BIN3: variants seen among roughly 807,000 people sequenced by gnomAD.
The protein encoded by BIN3 is bridging integrator 3.
BIN3 carries 41 observed loss-of-function variants against 38.2 expected under a neutral mutation model. The ratio of observed to expected loss-of-function variants is 1.07; its 90% CI spans 0.84 to 1.39. BIN3 has a LOEUF of 1.39. Among genes scored for constraint, BIN3 ranks in the 40% most tolerant of loss-of-function variants. BIN3 has a pLI of 0.00. For missense variants in BIN3, 361 were observed against 324.3 expected (o/e 1.11, Z -0.87); for synonymous variants, 145 against 122.6 (o/e 1.18, Z -1.21).
In BIN3 at chr8:22,621,496, C is replaced by T. The variant is rs779546029; in HGVS notation, c.688G>A (p.Asp230Asn). The part of the protein sequence containing the change: ...SHQLDQPGHS[D>N]EQRERENEAK... ...TCGTTCTCCCGCTCCCGCTGCTCAT[C>T]GGAGTGGCCTGGCTGGTCAAGCTGA... Residue 230 changes from aspartate to asparagine, a missense_variant, in exon 9 of 9, where the codon GAT becomes AAT. Transcript: ENST00000276416. 111 of 1,613,814 alleles carry T rather than the reference C, an allele frequency of 6.9e-5. No homozygotes were observed. In the Middle Eastern group the frequency reaches 2.1e-3, roughly 31 times the overall value.
At chr8:22,655,629 C>T (rs568893858) in intron 1 of BIN3, among the ~76,000 whole-genome samples, 1 of 152,302 alleles carries the variant, frequency 6.6e-6, no homozygotes, top group South Asian at 2.1e-4. Context: ...ATCTACATGT[C>T]CATCTTGATA....
chr8:22,639,063 G>A (rs1802457516), intron 2 of BIN3, among the ~76,000 whole-genome samples: 1 of 152,216 alleles, frequency 6.6e-6, no homozygotes, highest in Non-Finnish European at 1.5e-5. Flanking sequence ...ACTGCAGGTG[G>A]GAAATTTGCT....
chr8:22,647,749 T>A (rs1022051419), intron 1 of BIN3, among the ~76,000 whole-genome samples: 1 of 152,218 alleles, frequency 6.6e-6, no homozygotes, highest in Non-Finnish European at 1.5e-5. Flanking sequence ...CCTATCATAC[T>A]GTTCTGATTA....
intron 1 of BIN3, among the ~76,000 whole-genome samples, chr8:22,664,214 T>A (rs1000459824): frequency 2.0e-5 from 3 of 152,206 alleles, no homozygotes; most frequent in Non-Finnish European, 1.5e-5. Flanking sequence ...ATAATACATA[T>A]AACACCTCTG....
chr8:22,633,436 G>A (rs1354030023), intron 4 of BIN3, among the ~76,000 whole-genome samples: 5 of 152,216 alleles, frequency 3.3e-5, no homozygotes, highest in African/African-American at 9.7e-5. Context: ...CCAGGAGGCT[G>A]GTGATCTTTG....
intron 1 of BIN3, among the ~76,000 whole-genome samples, chr8:22,650,777 A>G (rs1585198323): frequency 6.6e-6 from 1 of 152,186 alleles, no homozygotes; most frequent in East Asian, 1.9e-4. Context: ...TACTTTAGCT[A>G]TTGACTTTTT....
chr8:22,666,142 C>T (rs1010451115), intron 1 of BIN3, among the ~76,000 whole-genome samples: 5 of 152,064 alleles, frequency 3.3e-5, no homozygotes, highest in Admixed American at 6.5e-5. Flanking sequence ...TTTTCCTCCT[C>T]GTTTAAGCCT....
intron 1 of BIN3, among the ~76,000 whole-genome samples, chr8:22,666,627 C>T (rs372225325): frequency 1.3e-5 from 2 of 152,028 alleles, no homozygotes; most frequent in Non-Finnish European, 2.9e-5. Flanking sequence ...AGGGGGTGGG[C>T]GGGTTGCCTG....
chr8:22,623,328 G>A (rs1801900444), intron 8 of BIN3, among the ~76,000 whole-genome samples: 1 of 152,204 alleles, frequency 6.6e-6, no homozygotes, highest in Non-Finnish European at 1.5e-5. Context: ...GGAGACGCTG[G>A]GGCCTGGCCC....
chr8:22,624,389 G>C (rs368269518), intron 6 of BIN3, 26 bp from the exon 7 acceptor site: 23 of 1,604,880 alleles, frequency 1.4e-5, no homozygotes, highest in Non-Finnish European at 1.4e-5. Flanking sequence ...GCTGGAGATG[G>C]GCCCGTTCTT....
chr8:22,651,744 G>A (rs1241514433), intron 1 of BIN3, among the ~76,000 whole-genome samples: 1 of 152,056 alleles, frequency 6.6e-6, no homozygotes, highest in East Asian at 1.9e-4. Flanking sequence ...AGGAATATAT[G>A]TTTGTCACGG....
At chr8:22,642,046 T>G (rs1802580163) in intron 2 of BIN3, among the ~76,000 whole-genome samples, 2 of 152,118 alleles carry the variant, frequency 1.3e-5, no homozygotes, top group Admixed American at 1.3e-4. Flanking sequence ...ATAATGGAAT[T>G]TGTGTTAATA....
At chr8:22,662,246 G>A (rs1180076000) in intron 1 of BIN3, among the ~76,000 whole-genome samples, 1 of 152,200 alleles carries the variant, frequency 6.6e-6, no homozygotes, top group African/African-American at 2.4e-5. Flanking sequence ...GACAGCCACT[G>A]TTCCAACTCC....
At chr8:22,624,193 A>T in intron 7 of BIN3, 29 bp downstream of exon 7, 2 of 1,607,684 alleles carry the variant, frequency 1.2e-6, no homozygotes, top group South Asian at 2.2e-5. Context: ...CCACCTGTCT[A>T]GCCCCTGCCC....
In BIN3 at chr8:22,630,481, G is replaced by A; in HGVS notation, c.258C>T (p.Asp86=). The change falls in exon 5 of 9, where the codon GAC becomes GAT. Residue 86 remains aspartate (D), a synonymous_variant. Transcript: ENST00000276416. The part of the protein sequence containing the change: ...QDLLNMVTAL[D]TAMKRMDAFN... Reference sequence around the variant, plus strand: ...AGGCATCCATCCGCTTCATGGCCGTGTCCAGGGCCGTCACCATGTTCAGAA... The same window carrying A: ...AGGCATCCATCCGCTTCATGGCCGTATCCAGGGCCGTCACCATGTTCAGAA... 2 of 1,614,034 alleles carry A rather than the reference G, an allele frequency of 1.2e-6. No homozygotes were observed. The highest frequency in any genetic ancestry group is 1.7e-6 in the Non-Finnish European group (2 of 1,179,898).
At chr8:22,621,942 G>C (rs537874789) in intron 8 of BIN3, among the ~76,000 whole-genome samples, 1 of 152,254 alleles carries the variant, frequency 6.6e-6, no homozygotes, top group Non-Finnish European at 1.5e-5. Context: ...CAGAAAGACA[G>C]CATGGTAGGC....
At chr8:22,664,036 G>A (rs570223110) in intron 1 of BIN3, among the ~76,000 whole-genome samples, 12 of 152,148 alleles carry the variant, frequency 7.9e-5, no homozygotes, top group Non-Finnish European at 1.5e-4. Context: ...TATAAATGTT[G>A]AACAAGCATT....
At chr8:22,635,499 G>A (rs1585185582) in intron 4 of BIN3, among the ~76,000 whole-genome samples, 1 of 152,152 alleles carries the variant, frequency 6.6e-6, no homozygotes, top group Non-Finnish European at 1.5e-5. Flanking sequence ...CAGGGAAGGA[G>A]CTGCAGGAGT....
intron 6 of BIN3, 116 bp downstream of exon 6, chr8:22,629,848 G>T: frequency 9.4e-7 from 1 of 1,060,152 alleles, no homozygotes. Context: ...TGAGTTTCCC[G>T]TCAGGCCCCA....
Sources: gnomAD v4.1 joint callset for allele counts (sites outside exome capture counted in the v4.1 genomes callset) on GRCh38, gnomAD v4.1.1 for gene constraint, MANE v1.5 for transcripts, NCBI Gene and HGNC (gene_info 2026-07-23, HGNC 2026-07-21) for gene names.